RBFOX1: variants seen among roughly 807,000 people sequenced by gnomAD.
RBFOX1 encodes the protein RNA binding fox-1 homolog 1, also known as RNA binding protein fox-1 homolog 1.
A neutral mutation model predicts 57.7 loss-of-function variants in RBFOX1; 8 were observed. The observed-to-expected ratio is 0.14, with a 90% CI of 0.08 to 0.25. RBFOX1 has a LOEUF of 0.25. Ranked by LOEUF, RBFOX1 falls within the 10% of genes least tolerant of loss-of-function variation. The pLI is 1.00. For synonymous variants in RBFOX1, 326 were observed against 222.4 expected (o/e 1.47, Z -4.15); for missense variants, 611 against 548.5 (o/e 1.11, Z -1.14).
chr16:6,742,991 A>G (rs755844517), intron 3 of RBFOX1, among the ~76,000 whole-genome samples: 3 of 152,186 alleles, frequency 2.0e-5, no homozygotes, highest in Non-Finnish European at 4.4e-5. Flanking sequence ...ATATAGTACA[A>G]TATGATATTA....
intron 3 of RBFOX1, among the ~76,000 whole-genome samples, chr16:6,938,333 C>A (rs768057318): frequency 4.6e-5 from 7 of 151,980 alleles, no homozygotes; most frequent in South Asian, 2.1e-4. Context: ...TAATTGAAAC[C>A]GAAGCCTATT....
In RBFOX1 at chr16:6,504,613, A is replaced by G. The variant is rs116064129; in HGVS notation, c.-63-149990A>G. ...CTTATTTGACACCTCATGTTGGTAG[A>G]TAGATGGGCAAGTGTGAGGGGTAGT... On this transcript the variant is annotated intron_variant, in intron 2 of 15. Coordinates refer to ENST00000550418, the MANE Select transcript of RBFOX1 (RefSeq NM_018723.4). Among the ~76,000 whole-genome samples, 1,016 of 152,318 alleles carry G rather than the reference A, an allele frequency of 6.7e-3. 9 individuals carry two copies. Among genetic ancestry groups the G allele is most frequent in the African/African-American group, 0.023 (956 of 41,576 alleles).
At chr16:5,806,140 C>T (rs1210483057) in intron 3 of RBFOX1, among the ~76,000 whole-genome samples, 1 of 152,154 alleles carries the variant, frequency 6.6e-6, no homozygotes, top group Non-Finnish European at 1.5e-5. Flanking sequence ...TCCCTGTTAC[C>T]TACAATTCAG....
intron 1 of RBFOX1, among the ~76,000 whole-genome samples, chr16:6,227,484 G>C (rs1172349592): frequency 6.6e-6 from 1 of 151,840 alleles, no homozygotes; most frequent in African/African-American, 2.4e-5. Context: ...GGTTTTTTTT[G>C]CATTTGGGAG....
At chr16:5,418,751 T>A (rs1335327082) in intron 1 of RBFOX1, among the ~76,000 whole-genome samples, 1 of 152,116 alleles carries the variant, frequency 6.6e-6, no homozygotes, top group Non-Finnish European at 1.5e-5. Context: ...CTTTCATCCC[T>A]CCCTCTCTCC....
intron 3 of RBFOX1, among the ~76,000 whole-genome samples, chr16:6,811,055 C>G (rs937023482): frequency 6.6e-6 from 1 of 152,088 alleles, no homozygotes; most frequent in Non-Finnish European, 1.5e-5. Flanking sequence ...TAAGATACCC[C>G]GAAAAACACA....
At chr16:5,624,645 G>A (rs1040844890) in intron 3 of RBFOX1, among the ~76,000 whole-genome samples, 1 of 152,236 alleles carries the variant, frequency 6.6e-6, no homozygotes. Context: ...CTGGCTAATG[G>A]ATTCCGACTG....
chr16:7,231,972 C>G (rs918467040), intron 4 of RBFOX1, among the ~76,000 whole-genome samples: 1 of 151,944 alleles, frequency 6.6e-6, no homozygotes, highest in African/African-American at 2.4e-5. Flanking sequence ...TATTTTGGAA[C>G]TAGATAGGGG....
intron 5 of RBFOX1, among the ~76,000 whole-genome samples, chr16:7,532,953 A>C (rs1308570351): frequency 6.6e-6 from 1 of 152,244 alleles, no homozygotes; most frequent in Non-Finnish European, 1.5e-5. Context: ...TATTGGACTC[A>C]CATTAATTAA....
At chr16:6,835,299 G>C (rs990637776) in intron 3 of RBFOX1, among the ~76,000 whole-genome samples, 1 of 152,104 alleles carries the variant, frequency 6.6e-6, no homozygotes, top group African/African-American at 2.4e-5. Flanking sequence ...GCATCTTTGT[G>C]AGTTTCAGTG....
At chr16:6,791,761 A>AT (rs1342525626) in intron 3 of RBFOX1, among the ~76,000 whole-genome samples, 1 of 152,044 alleles carries the variant, frequency 6.6e-6, no homozygotes, top group Non-Finnish European at 1.5e-5. Context: ...AGTCTGTCTC[A>AT]AAAAAAGCAT....
intron 9 of RBFOX1, among the ~76,000 whole-genome samples, chr16:7,603,675 G>A (rs2095154770): frequency 6.6e-6 from 1 of 152,068 alleles, no homozygotes. Flanking sequence ...TGGTCTTGGG[G>A]GGTTTTATAA....
rs954617487 is a variant in RBFOX1, at chr16:6,795,648, C to T, written c.-16+140998C>T. 2.0e-5 allele frequency among the ~76,000 whole-genome samples: 3 copies of T among 151,940 alleles called. No homozygotes were observed. The East Asian group carries it at 5.8e-4, about 29-fold the overall frequency. On this transcript the variant is annotated intron_variant, in intron 3 of 15. Coordinates refer to ENST00000550418, the MANE Select transcript of RBFOX1 (RefSeq NM_018723.4). ...TGGCATGGTTGGGGGTGCCTGTAAT[C>T]CCAGCTACTTGGGAGGCTGAGGCAG...
chr16:6,361,266 G>A (rs1568017241), intron 2 of RBFOX1, among the ~76,000 whole-genome samples: 1 of 152,098 alleles, frequency 6.6e-6, no homozygotes, highest in Non-Finnish European at 1.5e-5. Flanking sequence ...GCTCAGCAGG[G>A]CAAATTTGGG....
At chr16:6,917,346 G>T (rs890335842) in intron 3 of RBFOX1, among the ~76,000 whole-genome samples, 2 of 152,202 alleles carry the variant, frequency 1.3e-5, no homozygotes, top group African/African-American at 4.8e-5. Context: ...GGTGAAATCA[G>T]TATATGGGAT....
chr16:5,493,171 G>C (rs2042890696), intron 2 of RBFOX1, among the ~76,000 whole-genome samples: 2 of 152,206 alleles, frequency 1.3e-5, no homozygotes, highest in Admixed American at 1.3e-4. Context: ...TTGAAACTCA[G>C]ATCCCGAAGA....
intron 4 of RBFOX1, among the ~76,000 whole-genome samples, chr16:7,326,050 G>C (rs1033013909): frequency 3.3e-5 from 5 of 152,136 alleles, no homozygotes; most frequent in Non-Finnish European, 5.9e-5. Flanking sequence ...TAACTGACCA[G>C]GCACACATTC....
intron 3 of RBFOX1, among the ~76,000 whole-genome samples, chr16:5,853,528 C>A (rs140143635): frequency 8.1e-4 from 123 of 152,224 alleles, no homozygotes; most frequent in African/African-American, 2.8e-3. Flanking sequence ...GGACACAGAC[C>A]CTGACTTGGA....
intron 4 of RBFOX1, among the ~76,000 whole-genome samples, chr16:7,353,010 C>A (rs1049292673): frequency 1.3e-5 from 2 of 152,238 alleles, no homozygotes; most frequent in Non-Finnish European, 2.9e-5. Flanking sequence ...GCCACTGCAC[C>A]CAGCCCATAC....
Sources: allele counts gnomAD v4.1 joint callset (sites outside exome capture counted in the v4.1 genomes callset), GRCh38; gene constraint gnomAD v4.1.1; transcripts MANE v1.5; gene names NCBI Gene and HGNC (gene_info 2026-07-23, HGNC 2026-07-21).